The following VPS50 variants were observed in gnomAD, a reference collection of about 807,000 sequenced individuals.
VPS50 encodes the protein VPS50 subunit of EARP/GARPII complex.
A neutral mutation model predicts 139.7 loss-of-function variants in VPS50; 70 were observed. The observed-to-expected ratio is 0.50, with a 90% CI of 0.41 to 0.61. VPS50 has a LOEUF of 0.61. VPS50 is among the 20% of genes least tolerant of loss of function. VPS50 has a pLI of 0.00. For missense variants in VPS50, 921 were observed against 1,133.7 expected (o/e 0.81, Z 2.69); for synonymous variants, 365 against 376.7 (o/e 0.97, Z 0.36).
At chr7:93,290,055 T>C (rs962183412) in intron 12 of VPS50, among the ~76,000 whole-genome samples, 1 of 152,020 alleles carries the variant, frequency 6.6e-6, no homozygotes, top group South Asian at 2.1e-4. Flanking sequence ...TAAATGAGGG[T>C]TTCTCATTCA....
chr7:93,276,470 G>A, intron 12 of VPS50, 165 bp downstream of exon 12: 1 of 1,174,144 alleles, frequency 8.5e-7, no homozygotes, highest in Non-Finnish European at 1.1e-6. Flanking sequence ...TAGAGAAGTT[G>A]GAGGACTCAG....
At chr7:93,257,139 G>T (rs1362192213) in intron 5 of VPS50, among the ~76,000 whole-genome samples, 1 of 151,968 alleles carries the variant, frequency 6.6e-6, no homozygotes, top group Admixed American at 6.6e-5. Context: ...AAGAAGTTGG[G>T]TCTAGATTTC....
In VPS50 at chr7:93,356,090, G is replaced by T; in HGVS notation, c.2775+10G>T. On this transcript the variant is annotated intron_variant, in intron 27 of 27. Coordinates refer to ENST00000305866, the MANE Select transcript of VPS50 (RefSeq NM_017667.4). Reference sequence around the variant, plus strand: ...GATCAAAGAGCACAGGGTGAGAGCTGGAAAATAGTTAATTAAGTTTTTATT... The same window carrying T: ...GATCAAAGAGCACAGGGTGAGAGCTTGAAAATAGTTAATTAAGTTTTTATT... 7.5e-7 allele frequency: 1 copy of T among 1,329,934 alleles called. No homozygotes were observed. The highest frequency in any genetic ancestry group is 2.4e-5 in the Admixed American group (1 of 41,188). The allele number at this position is 1,329,934 out of a possible 1,614,324, so 82.4% of individuals were successfully genotyped here.
intron 21 of VPS50, among the ~76,000 whole-genome samples, chr7:93,325,543 C>CCTACT (rs1797744101): frequency 6.6e-6 from 1 of 151,872 alleles, no homozygotes; most frequent in African/African-American, 2.4e-5. Flanking sequence ...ATTTTCACAA[C>CCTACT]CTACTCATCT....
At position 93,291,824 on chromosome 7, in the gene VPS50, C is replaced by T; in HGVS notation, c.1064C>T (p.Ala355Val). 6.3e-7 allele frequency: 1 copy of T among 1,580,122 alleles called. No homozygotes were observed. The highest frequency in any genetic ancestry group is 8.6e-7 in the Non-Finnish European group (1 of 1,165,142). Residue 355 changes from alanine to valine, a missense_variant, in exon 13 of 28, where the codon GCT (alanine) becomes GTT (valine). By Grantham distance (64) the Ala-to-Val change is moderately conservative. This residue lies in a region of VPS50 where 744 missense variants were observed against 930.6 expected (regional missense o/e 0.80). Coordinates refer to ENST00000305866, the MANE Select transcript of VPS50 (RefSeq NM_017667.4). ...WHEKHDNEDT[A>V]SASEGSNMIG... ...GAAAAGCATGACAATGAGGATACTG[C>T]TTCAGCTTCTGGTAGGAAAATATTT...
chr7:93,344,062 A>G (rs923984530), intron 23 of VPS50, among the ~76,000 whole-genome samples: 3 of 152,156 alleles, frequency 2.0e-5, no homozygotes, highest in African/African-American at 7.2e-5. Context: ...AAGACCCATC[A>G]GTGTGCTGTA....
chr7:93,344,260 A>G (rs1798317916), intron 23 of VPS50, among the ~76,000 whole-genome samples: 2 of 152,228 alleles, frequency 1.3e-5, no homozygotes, highest in Non-Finnish European at 2.9e-5. Flanking sequence ...TAAAGGGATC[A>G]ATTCAACAAG....
intron 21 of VPS50, among the ~76,000 whole-genome samples, chr7:93,327,886 C>G (rs1413667506): frequency 6.6e-6 from 1 of 152,106 alleles, no homozygotes; most frequent in Non-Finnish European, 1.5e-5. Flanking sequence ...GTGGTATCTG[C>G]TTTTCTGTCA....
intron 22 of VPS50, among the ~76,000 whole-genome samples, chr7:93,335,208 G>C (rs1051870491): frequency 7.9e-5 from 12 of 152,180 alleles, no homozygotes; most frequent in African/African-American, 2.9e-4. Context: ...AGATACTCAT[G>C]AGTACTAAGA....
intron 12 of VPS50, among the ~76,000 whole-genome samples, chr7:93,280,920 C>T (rs971626020): frequency 1.3e-5 from 2 of 151,928 alleles, no homozygotes; most frequent in Admixed American, 6.6e-5. Context: ...TACATACATA[C>T]ATACACACTC....
intron 20 of VPS50, 122 bp downstream of exon 20, chr7:93,311,394 G>T (rs1012044835): frequency 1.7e-6 from 1 of 579,564 alleles, no homozygotes; most frequent in African/African-American, 1.9e-5. Context: ...GGGATTTAAG[G>T]TTATCATATG....
At position 93,337,090 on chromosome 7, in the gene VPS50, A is replaced by T. The variant is rs191111625; in HGVS notation, c.2058+2893A>T. ...TACCATTTATTTATGTCAGCTTGAC[A>T]TTTTCGTGACTCTCTTGCTCTCTTC... On this transcript the variant is annotated intron_variant, in intron 22 of 27. Coordinates refer to ENST00000305866, the MANE Select transcript of VPS50 (RefSeq NM_017667.4). Among the ~76,000 whole-genome samples the T allele has an allele frequency of 5.7e-4, 87 of 152,308 alleles. No homozygotes were observed. The East Asian group carries it at 0.015, about 26-fold the overall frequency.
At chr7:93,320,362 CT>C (rs749578332) in intron 20 of VPS50, 65 of 96,988 alleles carry the variant, frequency 6.7e-4, no homozygotes, top group South Asian at 1.5e-3. Flanking sequence ...TTTTCTTTTT[CT>C]TTTTTTTTTT....
chr7:93,266,289 G>A (rs1248210184), intron 9 of VPS50, among the ~76,000 whole-genome samples: 1 of 152,132 alleles, frequency 6.6e-6, no homozygotes. Flanking sequence ...CATTAGAGCT[G>A]GAAGCAACCC....
intron 1 of VPS50, among the ~76,000 whole-genome samples, 164 bp from the exon 2 acceptor site, chr7:93,239,702 C>T (rs1794921483): frequency 1.3e-5 from 2 of 152,032 alleles, no homozygotes; most frequent in Admixed American, 6.5e-5. Flanking sequence ...AATAATAGTA[C>T]TATATGTATT....
At chr7:93,338,982 T>C (rs1738514754) in intron 22 of VPS50, among the ~76,000 whole-genome samples, 1 of 152,136 alleles carries the variant, frequency 6.6e-6, no homozygotes, top group South Asian at 2.1e-4. Flanking sequence ...GTTTTAGTGA[T>C]TGATTGGATG....
intron 22 of VPS50, among the ~76,000 whole-genome samples, chr7:93,336,238 T>C (rs924474016): frequency 3.9e-5 from 6 of 152,218 alleles, no homozygotes; most frequent in Non-Finnish European, 8.8e-5. Context: ...ATTTTCTCCA[T>C]ATAGATATTC....
Position 93,305,884 on chromosome 7 carries a change from A to T in VPS50, c.1509A>T (p.Pro503=). Residue 503 remains proline (P), a synonymous_variant, in exon 18 of 28, where the codon CCA becomes CCT. Coordinates refer to ENST00000305866, the MANE Select transcript of VPS50 (RefSeq NM_017667.4). ...CATCAGTTTCACCTAGTAAACAGCC[A>T]GTCTCAACTTCTTCAAAAACAGTGA... ...RSPSVSPSKQ[P]VSTSSKTVTL... 3 of 1,612,560 alleles carry T rather than the reference A, an allele frequency of 1.9e-6. No homozygotes were observed. Among genetic ancestry groups the T allele is most frequent in the Non-Finnish European group, 2.5e-6 (3 of 1,178,738 alleles).
At chr7:93,346,150 G>A (rs1201391938) in intron 23 of VPS50, among the ~76,000 whole-genome samples, 1 of 152,144 alleles carries the variant, frequency 6.6e-6, no homozygotes, top group African/African-American at 2.4e-5. Flanking sequence ...TAAAATCAAT[G>A]TACAAAAATC....
Sources: gnomAD v4.1 joint callset for allele counts (sites outside exome capture counted in the v4.1 genomes callset) on GRCh38, gnomAD v4.1.1 for gene constraint, gnomAD v4.1.1 regional missense constraint, MANE v1.5 for transcripts, NCBI Gene and HGNC (gene_info 2026-07-23, HGNC 2026-07-21) for gene names.